The following ERBB4 variants were observed in gnomAD, a reference collection of about 807,000 sequenced individuals.
ERBB4 encodes receptor tyrosine-protein kinase erbB-4.
Under a neutral mutation model 158.0 loss-of-function variants are expected in ERBB4, and 42 were observed. That is an observed-to-expected ratio of 0.27 (90% CI 0.21 to 0.34). The LOEUF is 0.34. Ranked by LOEUF, ERBB4 falls within the 10% of genes least tolerant of loss-of-function variation. The pLI, the probability that ERBB4 is intolerant of heterozygous loss-of-function variation, is 1.00. For missense variants in ERBB4, 1,333 were observed against 1,624.1 expected (o/e 0.82, Z 3.08); for synonymous variants, 583 against 558.7 (o/e 1.04, Z -0.61).
At chr2:211,544,668 G>A (rs2066896786) in intron 20 of ERBB4, among the ~76,000 whole-genome samples, 2 of 152,040 alleles carry the variant, frequency 1.3e-5, no homozygotes, top group South Asian at 4.1e-4. Context: ...CAGATACTGT[G>A]TTAGGTACTT....
intron 1 of ERBB4, among the ~76,000 whole-genome samples, chr2:212,295,455 T>C (rs912948077): frequency 3.9e-5 from 6 of 152,102 alleles, no homozygotes; most frequent in Admixed American, 6.6e-5. Context: ...ATTATCTTCA[T>C]GTTTCTCTCT....
rs1162482285 is a variant in ERBB4, at chr2:211,381,484, T to G, written c.*2131A>C. The stretch of plus-strand genomic sequence containing the variant: ...ATATCTTACAGTACAACTGATTATA[T>G]GACAGCTATTCACAAAAGAGACTAT... On this transcript the variant is annotated 3_prime_UTR_variant, in exon 28 of 28. Coordinates refer to ENST00000342788, the MANE Select transcript of ERBB4 (RefSeq NM_005235.3). 8.6e-6 allele frequency: 2 copies of G among 231,690 alleles called. No individual in the cohort carries two copies. The highest frequency in any genetic ancestry group is 8.5e-6 in the Non-Finnish European group (1 of 117,152). The allele number at this position is 231,690 out of a possible 1,614,324, so 14.4% of individuals were successfully genotyped here.
intron 25 of ERBB4, among the ~76,000 whole-genome samples, chr2:211,392,665 G>GTTGT (rs376999130): frequency 2.6e-4 from 39 of 150,174 alleles, no homozygotes; most frequent in Middle Eastern, 3.4e-3. Flanking sequence ...CTTTTTTGTT[G>GTTGT]TTGTTTGTTT....
chr2:211,750,603 C>T (rs543128878), intron 5 of ERBB4, 36 bp downstream of exon 5: 236 of 1,575,042 alleles, frequency 1.5e-4, no homozygotes, highest in Non-Finnish European at 1.8e-4. Context: ...TCCTTGACCA[C>T]ATCAAACCTG....
At chr2:212,097,880 A>C (rs1026351056) in intron 2 of ERBB4, among the ~76,000 whole-genome samples, 1 of 152,188 alleles carries the variant, frequency 6.6e-6, no homozygotes, top group Non-Finnish European at 1.5e-5. Flanking sequence ...GACAGGTGAG[A>C]GTTATGGAGA....
chr2:211,937,626 C>T (rs898704103), intron 3 of ERBB4, among the ~76,000 whole-genome samples: 1 of 152,010 alleles, frequency 6.6e-6, no homozygotes, highest in African/African-American at 2.4e-5. Flanking sequence ...GCAAACACAT[C>T]CTTCTTCACA....
rs116261778 is a variant in ERBB4, at chr2:211,613,195, G to A, written c.2301+5982C>T. On this transcript the variant is annotated intron_variant, in intron 19 of 27. Transcript: ENST00000342788. ...GAAAAGAAGTCTAGAACTTTGCATT[G>A]AGATATTTCAATATTTCTGATATTG... Among the ~76,000 whole-genome samples, 936 of 152,136 alleles carry A rather than the reference G, an allele frequency of 6.2e-3. 10 individuals carry two copies. The highest frequency in any genetic ancestry group is 0.021 in the African/African-American group (876 of 41,540).
At chr2:211,737,087 A>C (rs145737773) in intron 5 of ERBB4, among the ~76,000 whole-genome samples, 1,800 of 152,300 alleles carry the variant, frequency 0.012, 9 homozygotes, top group South Asian at 0.023. Flanking sequence ...GGGAAATATA[A>C]GTAACTACAG....
At chr2:211,699,698 C>CA (rs372084470) in intron 12 of ERBB4, among the ~76,000 whole-genome samples, 98 of 146,544 alleles carry the variant, frequency 6.7e-4, no homozygotes, top group South Asian at 1.3e-3. Flanking sequence ...ATGCACAGAA[C>CA]AAAAAAAAAA....
In ERBB4 at chr2:211,611,585, G is replaced by A. The variant is rs183996761; in HGVS notation, c.2301+7592C>T. 2.5e-3 allele frequency among the ~76,000 whole-genome samples: 373 copies of A among 152,168 alleles called. 1 individual carries two copies. Among genetic ancestry groups the A allele is most frequent in the African/African-American group, 8.4e-3 (348 of 41,536 alleles). ...CTTCGATGAAGAAAAACCTTCAATC[G>A]AAAGAAGAATTTCATCTCACGACTG... On this transcript the variant is annotated intron_variant, in intron 19 of 27. Coordinates refer to ENST00000342788, the MANE Select transcript of ERBB4 (RefSeq NM_005235.3).
intron 20 of ERBB4, among the ~76,000 whole-genome samples, chr2:211,502,271 G>T (rs1464238031): frequency 1.3e-5 from 2 of 152,024 alleles, no homozygotes; most frequent in East Asian, 3.9e-4. Context: ...AACAAATTTG[G>T]GAAGAAGATA....
intron 20 of ERBB4, among the ~76,000 whole-genome samples, chr2:211,497,083 T>C (rs746406616): frequency 6.6e-6 from 1 of 152,124 alleles, no homozygotes. Context: ...TAAATATTTA[T>C]TGAATGCATG....
At chr2:211,829,728 G>T (rs951640116) in intron 3 of ERBB4, among the ~76,000 whole-genome samples, 11 of 152,190 alleles carry the variant, frequency 7.2e-5, no homozygotes, top group African/African-American at 2.6e-4. Flanking sequence ...ATGTCAGGTT[G>T]TTTCTTATCT....
At chr2:211,992,265 T>C (rs1272017074) in intron 2 of ERBB4, among the ~76,000 whole-genome samples, 3 of 152,076 alleles carry the variant, frequency 2.0e-5, no homozygotes, top group Non-Finnish European at 4.4e-5. Flanking sequence ...CCCAGAATCA[T>C]GGCAGGAGGT....
chr2:211,433,587 A>C (rs1037972392), intron 20 of ERBB4, among the ~76,000 whole-genome samples: 2 of 149,108 alleles, frequency 1.3e-5, no homozygotes, highest in Non-Finnish European at 2.9e-5. Context: ...AAAAAAAAAT[A>C]AAATAAAATA....
chr2:212,152,361 T>C (rs1168336626), intron 1 of ERBB4, among the ~76,000 whole-genome samples: 1 of 152,200 alleles, frequency 6.6e-6, no homozygotes, highest in Non-Finnish European at 1.5e-5. Context: ...ATTTAATGCC[T>C]AGCACATCCC....
intron 1 of ERBB4, among the ~76,000 whole-genome samples, chr2:212,232,651 G>T (rs1361243526): frequency 1.3e-5 from 2 of 152,062 alleles, no homozygotes; most frequent in Non-Finnish European, 2.9e-5. Flanking sequence ...CTCATGATCC[G>T]CCTGCCTCGG....
In ERBB4 at chr2:211,835,529, C is replaced by T. The variant is rs368920001; in HGVS notation, c.422-47370G>A. Among the ~76,000 whole-genome samples the T allele has an allele frequency of 3.3e-5, 5 of 152,006 alleles. No individual in the cohort carries two copies. In the South Asian group the frequency reaches 6.2e-4, roughly 19 times the overall value. On this transcript the variant is annotated intron_variant, in intron 3 of 27. Transcript: ENST00000342788. ...TTAATTTTTTTTATTTTGAATGGTC[C>T]TAAAATTTCATCTTATGATGTATAA...
chr2:211,759,375 AT>A (rs2075356323), intron 4 of ERBB4, among the ~76,000 whole-genome samples: 1 of 152,114 alleles, frequency 6.6e-6, no homozygotes, highest in East Asian at 1.9e-4. Flanking sequence ...TAGTCAGACC[AT>A]GTCAAATCTC....
Sources: gnomAD v4.1 joint callset for allele counts (sites outside exome capture counted in the v4.1 genomes callset) on GRCh38, gnomAD v4.1.1 for gene constraint, MANE v1.5 for transcripts, NCBI Gene and HGNC (gene_info 2026-07-23, HGNC 2026-07-21) for gene names.